THTPA: variants seen among roughly 807,000 people sequenced by gnomAD.
THTPA encodes thiamine triphosphatase.
A neutral mutation model predicts 16.5 loss-of-function variants in THTPA; 16 were observed. That is an observed-to-expected ratio of 0.97 (90% confidence interval 0.66 to 1.47). The LOEUF is 1.47. Ranked by LOEUF, THTPA falls within the 40% of genes most tolerant of loss-of-function variation. The pLI is 0.00. For missense variants in THTPA, 281 were observed against 280.9 expected (o/e 1.00, Z 0.00); for synonymous variants, 110 against 115.5 (o/e 0.95, Z 0.30).
chr14:23,552,821 C>T (rs1179011102), upstream of THTPA, among the ~76,000 whole-genome samples: 2 of 152,024 alleles, frequency 1.3e-5, no homozygotes, highest in African/African-American at 4.8e-5. Context: ...AGGCTGGTCT[C>T]GAACTCCTGA....
the THTPA span, chr14:23,534,375 A>G: frequency 6.5e-7 from 1 of 1,536,776 alleles, no homozygotes; most frequent in Non-Finnish European, 8.7e-7. The surrounding 1 kb of genome is among the most constrained non-coding windows in gnomAD (Gnocchi z 4.5). Flanking sequence ...TCTGGGCCAC[A>G]TTCGCCTCCA....
the THTPA span, chr14:23,522,841 T>C: frequency 1.3e-6 from 2 of 1,532,614 alleles, no homozygotes; most frequent in Non-Finnish European, 8.7e-7. Flanking sequence ...CGGGCATGGG[T>C]CTCTGAGGTA....
chr14:23,536,489 T>C, the THTPA span, among the ~76,000 whole-genome samples: 1 of 152,190 alleles, frequency 6.6e-6, no homozygotes, highest in African/African-American at 2.4e-5. Context: ...AGTTGAAAGA[T>C]AACAGCTAGT....
intron 1 of THTPA, among the ~76,000 whole-genome samples, chr14:23,558,441 A>G (rs1394781749): frequency 6.6e-6 from 1 of 152,150 alleles, no homozygotes; most frequent in African/African-American, 2.4e-5. Context: ...CCTCTTCGCC[A>G]TTTCTCCTTG....
chr14:23,524,178 C>G, the THTPA span: 45 of 1,536,010 alleles, frequency 2.9e-5, no homozygotes, highest in African/African-American at 5.5e-5. This position sits in a 1 kb window ranked among gnomAD's most constrained non-coding sequence, Gnocchi z 5.6. Flanking sequence ...GGCACCCCCC[C>G]AGGGGTGCTT....
In THTPA at chr14:23,556,600, A is replaced by C. The variant is rs549090588; in HGVS notation, c.-158A>C. On this transcript the variant is annotated 5_prime_UTR_variant, in exon 1 of 2. Coordinates refer to ENST00000288014, the MANE Select transcript of THTPA (RefSeq NM_024328.6). The stretch of plus-strand genomic sequence containing the variant: ...GCCTTAATGTCACCGAGGTAGAGAG[A>C]AAAGGGCAGTAGCCCTAGAGACTAT... 2.4e-4 allele frequency: 181 copies of C among 742,822 alleles called. 5 individuals carry two copies. The South Asian group carries it at 3.2e-3, about 13-fold the overall frequency. The allele number at this position is 742,822 out of a possible 1,614,324, so 46.0% of individuals were successfully genotyped here. A position where few individuals can be genotyped will look rare whatever the true frequency, so the allele number is the denominator to read the frequency against.
rs1457393627 is a variant in THTPA at position 23,556,280 on chromosome 14, G to A, written c.-478G>A. On this transcript the variant is annotated 5_prime_UTR_variant, in exon 1 of 2. Coordinates refer to ENST00000288014, the MANE Select transcript of THTPA (RefSeq NM_024328.6). ...CGGAACTGCTCCCGGCATTCCTCGCGAGTGTATGGCGTGGGCTCCCTTCCC... is the reference window on the plus strand; with the variant it reads ...CGGAACTGCTCCCGGCATTCCTCGCAAGTGTATGGCGTGGGCTCCCTTCCC... The A allele has an allele frequency of 6.4e-6, 1 of 156,052 alleles. No homozygotes were observed. Among genetic ancestry groups the A allele is most frequent in the African/African-American group, 2.4e-5 (1 of 41,514 alleles). The allele number at this position is 156,052 out of a possible 1,614,324, so 9.7% of individuals were successfully genotyped here.
the THTPA span, among the ~76,000 whole-genome samples, chr14:23,515,079 G>GAACAAC: frequency 1.3e-5 from 2 of 152,118 alleles, no homozygotes; most frequent in African/African-American, 2.4e-5. Flanking sequence ...TGGACAACAA[G>GAACAAC]AACAACAACA....
At chr14:23,533,203 G>C in the THTPA span, 11 of 1,435,844 alleles carry the variant, frequency 7.7e-6, no homozygotes, top group Non-Finnish European at 1.0e-5. The surrounding 1 kb of genome is among the most constrained non-coding windows in gnomAD (Gnocchi z 4.8). Flanking sequence ...TTACCTAAGT[G>C]GGGAGTTGGT....
At chr14:23,549,670 T>C in the THTPA span, among the ~76,000 whole-genome samples, 1 of 152,164 alleles carries the variant, frequency 6.6e-6, no homozygotes, top group African/African-American at 2.4e-5. Flanking sequence ...CCAGGCAGGG[T>C]GGAGCTTAGA....
the THTPA span, among the ~76,000 whole-genome samples, chr14:23,541,639 A>G: frequency 6.6e-6 from 1 of 152,144 alleles, no homozygotes; most frequent in Non-Finnish European, 1.5e-5. Flanking sequence ...AGCCCTCTTG[A>G]TTGCTGGGTC....
the THTPA span, among the ~76,000 whole-genome samples, chr14:23,547,667 C>T: frequency 6.6e-6 from 1 of 152,202 alleles, no homozygotes; most frequent in African/African-American, 2.4e-5. Flanking sequence ...GTTAACTACC[C>T]TCCAGCCATT....
chr14:23,521,394 G>C, the THTPA span: 1 of 152,550 alleles, frequency 6.6e-6, no homozygotes, highest in South Asian at 2.1e-4. Flanking sequence ...AAGAGTTTGT[G>C]AGCGGTGTGG....
Position 23,558,782 on chromosome 14 carries a change from T to G in THTPA, c.635T>G (p.Val212Gly), listed in dbSNP as rs1334193993. The change falls in exon 2 of 2, where the codon GTG becomes GGG. Residue 212 changes from valine to glycine, a missense_variant. Physicochemically the swap from Val to Gly is moderately radical, Grantham distance 109. Coordinates refer to ENST00000288014, the MANE Select transcript of THTPA (RefSeq NM_024328.6). ...CAAGACTATCAGCGCCTGCTAGAAG[T>G]GAACAGCTCCAGAGAGAGGCCACAG... Reference protein sequence around the residue: ...RPQDYQRLLEVNSSRERPQET... With the variant: ...RPQDYQRLLEGNSSRERPQET... The G allele has an allele frequency of 6.2e-7, 1 of 1,614,192 alleles. No individual in the cohort carries two copies. The highest frequency in any genetic ancestry group is 8.5e-7 in the Non-Finnish European group (1 of 1,180,034).
the THTPA span, chr14:23,531,926 G>GC: frequency 1.8e-6 from 1 of 558,144 alleles, no homozygotes; most frequent in East Asian, 3.7e-5. Flanking sequence ...ACAGGCATGC[G>GC]CACCACACCT....
the THTPA span, among the ~76,000 whole-genome samples, chr14:23,539,777 C>T: frequency 6.6e-6 from 1 of 152,190 alleles, no homozygotes; most frequent in Non-Finnish European, 1.5e-5. Context: ...AAAGGAAACA[C>T]TACTGCTCCC....
At chr14:23,527,640 G>A in the THTPA span, 9 of 1,536,376 alleles carry the variant, frequency 5.9e-6, no homozygotes, top group African/African-American at 2.7e-5. Flanking sequence ...CGGGCACCAC[G>A]TTGTGAAGGT....
At chr14:23,540,822 CTCTT>C in the THTPA span, among the ~76,000 whole-genome samples, 1 of 152,228 alleles carries the variant, frequency 6.6e-6, no homozygotes, top group African/African-American at 2.4e-5. Context: ...TTTTCCTTCT[CTCTT>C]TCCTGTCTCC....
chr14:23,552,859 C>G (rs1595204715), upstream of THTPA, among the ~76,000 whole-genome samples: 2 of 152,290 alleles, frequency 1.3e-5, no homozygotes, highest in East Asian at 3.9e-4. Context: ...GCCTCAGCCT[C>G]CCAAAGTCCT....
Sources: gnomAD v4.1 joint callset for allele counts (sites outside exome capture counted in the v4.1 genomes callset) on GRCh38, gnomAD v4.1.1 for gene constraint, Gnocchi (gnomAD v3.1) non-coding constraint, MANE v1.5 for transcripts, NCBI Gene and HGNC (gene_info 2026-07-23, HGNC 2026-07-21) for gene names.